The following PPP1R9A variants were observed in gnomAD, a reference collection of about 807,000 sequenced individuals.
PPP1R9A encodes neurabin-1.
PPP1R9A carries 59 observed loss-of-function variants against 141.9 expected under a neutral mutation model. The ratio of observed to expected loss-of-function variants is 0.42; its 90% CI spans 0.34 to 0.52. The LOEUF is 0.52. Ranked by LOEUF, PPP1R9A falls within the 20% of genes least tolerant of loss-of-function variation. The pLI, the probability that PPP1R9A is intolerant of heterozygous loss-of-function variation, is 0.10. For synonymous variants in PPP1R9A, 500 were observed against 569.7 expected, an observed-to-expected ratio of 0.88 and a Z score of 1.74; for missense variants, 1,444 against 1,611.9, an observed-to-expected ratio of 0.90 and a Z score of 1.78.
chr7:94,928,065 C>G (rs1389354114), intron 2 of PPP1R9A, among the ~76,000 whole-genome samples: 1 of 152,138 alleles, frequency 6.6e-6, no homozygotes, highest in Non-Finnish European at 1.5e-5. Flanking sequence ...GCAGGGGAGT[C>G]TACCTTTATC....
chr7:95,160,516 AT>A lies in PPP1R9A; in HGVS notation c.1650-1341del, dbSNP rs919075335. Among the ~76,000 whole-genome samples the A allele has an allele frequency of 3.0e-4, 45 of 148,112 alleles. 1 individual carries two copies. The highest frequency in any genetic ancestry group is 7.0e-3 in the Middle Eastern group (2 of 286). ...ATCCTTTAAAACAGTCTTTATTTTT[AT>A]TTTTTTTTTCAACTTGTATTTTTGA... On this transcript the variant is annotated intron_variant, in intron 4 of 19. Transcript: ENST00000433360.
chr7:94,928,784 AAT>A (rs1464442511), intron 2 of PPP1R9A, among the ~76,000 whole-genome samples: 1 of 152,230 alleles, frequency 6.6e-6, no homozygotes, highest in Non-Finnish European at 1.5e-5. Context: ...GAGCTGATAA[AAT>A]ATGTCACTTA....
intron 12 of PPP1R9A, among the ~76,000 whole-genome samples, chr7:95,255,843 G>A (rs923887015): frequency 2.0e-5 from 3 of 152,128 alleles, no homozygotes; most frequent in African/African-American, 7.2e-5. Flanking sequence ...GGCTTTGACT[G>A]CAGAAGGGTT....
intron 2 of PPP1R9A, among the ~76,000 whole-genome samples, chr7:94,932,648 C>G (rs899756451): frequency 7.2e-5 from 11 of 151,988 alleles, no homozygotes; most frequent in African/African-American, 2.7e-4. Flanking sequence ...AACATCACGA[C>G]AGTTCATGAA....
intron 5 of PPP1R9A, among the ~76,000 whole-genome samples, chr7:95,169,459 T>C (rs1304278392): frequency 6.6e-6 from 1 of 151,756 alleles, no homozygotes; most frequent in Non-Finnish European, 1.5e-5. Context: ...CTAGAAGAAA[T>C]AAGATTTAAT....
intron 8 of PPP1R9A, among the ~76,000 whole-genome samples, chr7:95,236,921 G>T (rs546265759): frequency 6.7e-4 from 101 of 151,284 alleles, no homozygotes; most frequent in South Asian, 1.2e-3. Flanking sequence ...ACAAAAGAAT[G>T]ATATAGTGTT....
intron 5 of PPP1R9A, among the ~76,000 whole-genome samples, chr7:95,172,593 A>G (rs1018809377): frequency 6.6e-6 from 1 of 151,858 alleles, no homozygotes; most frequent in Non-Finnish European, 1.5e-5. Context: ...GCAGACTTCC[A>G]CACTTAAAAC....
intron 2 of PPP1R9A, among the ~76,000 whole-genome samples, chr7:94,937,964 C>T (rs1794940121): frequency 6.6e-6 from 1 of 152,066 alleles, no homozygotes; most frequent in South Asian, 2.1e-4. Context: ...TCCCAGGTAC[C>T]ATCAGAGTTT....
intron 14 of PPP1R9A, 54 bp from the exon 15 acceptor site, chr7:95,273,845 T>C: frequency 7.1e-7 from 1 of 1,409,618 alleles, no homozygotes. Flanking sequence ...ACTTTTGAAT[T>C]GTGACTTTAA....
At chr7:95,116,939 C>T (rs1349960505) in intron 3 of PPP1R9A, among the ~76,000 whole-genome samples, 1 of 152,082 alleles carries the variant, frequency 6.6e-6, no homozygotes, top group Non-Finnish European at 1.5e-5. Flanking sequence ...TCTGGCATAA[C>T]TGAGAATCTA....
chr7:95,076,404 A>G (rs574231589), intron 2 of PPP1R9A, among the ~76,000 whole-genome samples: 1 of 152,190 alleles, frequency 6.6e-6, no homozygotes, highest in Non-Finnish European at 1.5e-5. Flanking sequence ...CATTTATTGT[A>G]TAATCCACCT....
intron 2 of PPP1R9A, among the ~76,000 whole-genome samples, chr7:95,052,007 C>G (rs1323240346): frequency 6.6e-6 from 1 of 151,696 alleles, no homozygotes; most frequent in Non-Finnish European, 1.5e-5. Flanking sequence ...GCCCAGCTAA[C>G]TTTTGTATTT....
intron 2 of PPP1R9A, among the ~76,000 whole-genome samples, chr7:94,918,503 G>A (rs1160922192): frequency 6.6e-6 from 1 of 151,960 alleles, no homozygotes; most frequent in Non-Finnish European, 1.5e-5. Flanking sequence ...ATAAAATTCA[G>A]GTAACAAAGT....
chr7:94,912,240 T>G (rs1791536645), intron 2 of PPP1R9A, among the ~76,000 whole-genome samples: 1 of 152,234 alleles, frequency 6.6e-6, no homozygotes, highest in Non-Finnish European at 1.5e-5. Flanking sequence ...TCACATGCTC[T>G]AATGACTTCA....
intron 5 of PPP1R9A, among the ~76,000 whole-genome samples, chr7:95,179,207 G>T (rs1412863476): frequency 6.6e-6 from 1 of 152,016 alleles, no homozygotes; most frequent in Non-Finnish European, 1.5e-5. Context: ...AGGGATGCAG[G>T]GATGGCTTAA....
intron 2 of PPP1R9A, among the ~76,000 whole-genome samples, chr7:94,960,023 G>A (rs1462853217): frequency 6.6e-6 from 1 of 151,612 alleles, no homozygotes; most frequent in East Asian, 1.9e-4. Flanking sequence ...TCACCATGTG[G>A]TCTATACCCC....
At chr7:95,142,611 A>G (rs538123880) in intron 4 of PPP1R9A, among the ~76,000 whole-genome samples, 2 of 152,154 alleles carry the variant, frequency 1.3e-5, no homozygotes, top group East Asian at 1.9e-4. Flanking sequence ...TTTTGAAAAG[A>G]CTAGTCTTTT....
Position 95,273,929 on chromosome 7 carries a change from C to A in PPP1R9A, c.3155C>A (p.Ala1052Glu), listed in dbSNP as rs1266145596. 2 of 1,505,104 alleles carry A rather than the reference C, an allele frequency of 1.3e-6. No individual in the cohort carries two copies. Among genetic ancestry groups the A allele is most frequent in the South Asian group, 2.3e-5 (2 of 88,318 alleles). The allele number at this position is 1,505,104 out of a possible 1,614,324, so 93.2% of individuals were successfully genotyped here. The part of the protein sequence containing the change: ...DDAKDPKSLR[A>E]SSSLAVQGGK... ...GCCAAAGATCCCAAATCACTAAGGGCATCCAGTTCATTGGCGGTGCAAGGA... is the reference window on the plus strand; with the variant it reads ...GCCAAAGATCCCAAATCACTAAGGGAATCCAGTTCATTGGCGGTGCAAGGA... The change falls in exon 15 of 20, where the codon GCA becomes GAA. Residue 1052 changes from alanine to glutamate, a missense_variant. Ala to Glu is a moderately radical substitution (Grantham distance 107). Around this residue, in one of 5 missense-constraint regions of PPP1R9A, gnomAD observed 459 missense variants for 513.8 expected, o/e 0.89. Coordinates refer to ENST00000433360, the MANE Select transcript of PPP1R9A (RefSeq NM_001166160.2).
At chr7:95,031,793 A>G (rs1018779334) in intron 2 of PPP1R9A, among the ~76,000 whole-genome samples, 2 of 151,994 alleles carry the variant, frequency 1.3e-5, no homozygotes, top group Admixed American at 6.6e-5. Flanking sequence ...AAGTCAATAT[A>G]GAACCTTAAA....
Sources: allele counts gnomAD v4.1 joint callset (sites outside exome capture counted in the v4.1 genomes callset), GRCh38; gene constraint gnomAD v4.1.1; regional missense constraint gnomAD v4.1.1; transcripts MANE v1.5; gene names NCBI Gene and HGNC (gene_info 2026-07-23, HGNC 2026-07-21).